FAM171B: variants seen among roughly 807,000 people sequenced by gnomAD.
FAM171B encodes the protein family with sequence similarity 171 member B.
A neutral mutation model predicts 75.6 loss-of-function variants in FAM171B; 19 were observed. The observed-to-expected ratio is 0.25, with a 90% CI of 0.18 to 0.37. The LOEUF is 0.37. Ranked by LOEUF, FAM171B falls within the 10% of genes least tolerant of loss-of-function variation. The probability of loss-of-function intolerance (pLI) is 1.00; values close to 1 mark genes in which losing one functional copy is unlikely to be tolerated. For synonymous variants in FAM171B, 367 were observed against 361.7 expected, an observed-to-expected ratio of 1.01 and a Z score of -0.17; for missense variants, 848 against 982.4, an observed-to-expected ratio of 0.86 and a Z score of 1.83.
intron 1 of FAM171B, 26 bp downstream of exon 1, chr2:186,694,437 C>T: frequency 6.3e-7 from 1 of 1,595,992 alleles, no homozygotes; most frequent in Non-Finnish European, 8.6e-7. Context: ...CCAGCCCGGT[C>T]TTTCAGTCTC....
intron 1 of FAM171B, among the ~76,000 whole-genome samples, chr2:186,720,255 C>T (rs1435858777): frequency 6.6e-6 from 1 of 152,212 alleles, no homozygotes; most frequent in Non-Finnish European, 1.5e-5. Context: ...CCAGGCTGAT[C>T]TCGAACTTCT....
At chr2:186,749,909 A>G (rs1690424782) in intron 4 of FAM171B, among the ~76,000 whole-genome samples, 1 of 152,020 alleles carries the variant, frequency 6.6e-6, no homozygotes, top group Non-Finnish European at 1.5e-5. Flanking sequence ...ATGCACTTAC[A>G]TTTGGGTGGG....
chr2:186,701,633 C>T (rs1479066681), intron 1 of FAM171B, among the ~76,000 whole-genome samples: 1 of 152,180 alleles, frequency 6.6e-6, no homozygotes, highest in African/African-American at 2.4e-5. Flanking sequence ...AATCATGCCT[C>T]AAAGGCCATA....
intron 1 of FAM171B, among the ~76,000 whole-genome samples, chr2:186,703,149 A>T (rs1395595418): frequency 3.3e-5 from 5 of 151,732 alleles, no homozygotes; most frequent in Admixed American, 6.6e-5. Context: ...GTGCAGTCTC[A>T]GCTCACTGCA....
At chr2:186,736,908 T>C (rs1447100147) in intron 1 of FAM171B, among the ~76,000 whole-genome samples, 2 of 152,168 alleles carry the variant, frequency 1.3e-5, no homozygotes, top group African/African-American at 2.4e-5. Flanking sequence ...TATGCAAATG[T>C]ATTGCAGCAT....
At chr2:186,704,206 T>C (rs2105771808) in intron 1 of FAM171B, among the ~76,000 whole-genome samples, 1 of 152,298 alleles carries the variant, frequency 6.6e-6, no homozygotes, top group East Asian at 1.9e-4. Context: ...TCTAAAAATT[T>C]CACTTTCTTT....
chr2:186,760,005 G>A (rs1304524462), intron 6 of FAM171B, among the ~76,000 whole-genome samples: 1 of 152,050 alleles, frequency 6.6e-6, no homozygotes, highest in East Asian at 1.9e-4. Context: ...TCTGCATAAG[G>A]ATATCCAGTT....
At chr2:186,728,906 C>A (rs981136944) in intron 1 of FAM171B, among the ~76,000 whole-genome samples, 1 of 152,084 alleles carries the variant, frequency 6.6e-6, no homozygotes, top group Admixed American at 6.6e-5. Flanking sequence ...TACATAAAGA[C>A]GTAAATGTCA....
intron 1 of FAM171B, among the ~76,000 whole-genome samples, chr2:186,721,011 G>A (rs1416626792): frequency 6.6e-6 from 1 of 152,124 alleles, no homozygotes; most frequent in Non-Finnish European, 1.5e-5. Flanking sequence ...CAATGATATT[G>A]AAGATAAGCA....
At chr2:186,718,586 G>C (rs1230217237) in intron 1 of FAM171B, among the ~76,000 whole-genome samples, 1 of 151,974 alleles carries the variant, frequency 6.6e-6, no homozygotes, top group Non-Finnish European at 1.5e-5. Context: ...TTTCCCATTA[G>C]ATTTTGAATT....
chr2:186,747,292 A>G, intron 4 of FAM171B, 42 bp downstream of exon 4: 3 of 1,353,112 alleles, frequency 2.2e-6, no homozygotes, highest in Non-Finnish European at 3.0e-6. Context: ...AAGAAACATT[A>G]GTACACAAAT....
At chr2:186,703,074 T>TAC (rs1354045826) in intron 1 of FAM171B, among the ~76,000 whole-genome samples, 30 of 101,778 alleles carry the variant, frequency 2.9e-4, no homozygotes, top group East Asian at 9.5e-4. Context: ...TATATATATA[T>TAC]ATACACACAC....
At chr2:186,758,959 C>A (rs1391656756) in intron 6 of FAM171B, among the ~76,000 whole-genome samples, 1 of 151,968 alleles carries the variant, frequency 6.6e-6, no homozygotes, top group Non-Finnish European at 1.5e-5. Flanking sequence ...CCCCACACTA[C>A]CCTTCCCAGC....
intron 1 of FAM171B, among the ~76,000 whole-genome samples, chr2:186,737,435 C>T (rs1690219988): frequency 6.6e-6 from 1 of 152,200 alleles, no homozygotes; most frequent in Admixed American, 6.5e-5. Flanking sequence ...TGGCTCACTG[C>T]AGCCTTGACC....
chr2:186,731,470 A>G (rs559820778), intron 1 of FAM171B, among the ~76,000 whole-genome samples: 1 of 152,294 alleles, frequency 6.6e-6, no homozygotes, highest in South Asian at 2.1e-4. Context: ...TATCTGGCTT[A>G]TATTAGTTGG....
chr2:186,756,809 A>C (rs1690539027), intron 6 of FAM171B, among the ~76,000 whole-genome samples: 1 of 152,090 alleles, frequency 6.6e-6, no homozygotes, highest in Admixed American at 6.6e-5. Flanking sequence ...TTTGGCTTCA[A>C]ATGGGGGGTT....
At chr2:186,738,977 G>A (rs1574107751) in intron 1 of FAM171B, among the ~76,000 whole-genome samples, 1 of 152,100 alleles carries the variant, frequency 6.6e-6, no homozygotes, top group South Asian at 2.1e-4. Context: ...GCACACCTAG[G>A]TTATATGGTA....
At chr2:186,754,637 C>G (rs2105791112) in intron 6 of FAM171B, among the ~76,000 whole-genome samples, 1 of 152,208 alleles carries the variant, frequency 6.6e-6, no homozygotes, top group African/African-American at 2.4e-5. Flanking sequence ...CTCAAGCACA[C>G]ATGTTACTTG....
chr2:186,726,961 A>G (rs940751159), intron 1 of FAM171B, among the ~76,000 whole-genome samples: 2 of 152,120 alleles, frequency 1.3e-5, no homozygotes, highest in African/African-American at 2.4e-5. Flanking sequence ...AAATCCTGCA[A>G]TTATCATTCC....
Sources: allele counts gnomAD v4.1 joint callset (sites outside exome capture counted in the v4.1 genomes callset), GRCh38; gene constraint gnomAD v4.1.1; transcripts MANE v1.5; gene names NCBI Gene and HGNC (gene_info 2026-07-23, HGNC 2026-07-21).